Variants in KBTBD11 observed in about 807,000 individuals in gnomAD.
KBTBD11 encodes the protein kelch repeat and BTB domain-containing protein 11.
For missense variants in KBTBD11, 1,390 were observed against 1,001.8 expected, an observed-to-expected ratio of 1.39 and a Z score of -5.23; for synonymous variants, 747 against 499.0, an observed-to-expected ratio of 1.50 and a Z score of -6.63.
intron 1 of KBTBD11, among the ~76,000 whole-genome samples, chr8:1,986,522 C>G (rs1019898281): frequency 1.3e-5 from 2 of 152,130 alleles, no homozygotes; most frequent in African/African-American, 4.8e-5. Context: ...ACCAACAGCT[C>G]AGAACTTTAA....
In KBTBD11 at chr8:2,002,015, C is replaced by G; in HGVS notation, c.823C>G (p.Arg275Gly). 1 of 1,412,376 alleles carries G rather than the reference C, an allele frequency of 7.1e-7. No individual in the cohort carries two copies. The highest frequency in any genetic ancestry group is 9.3e-7 in the Non-Finnish European group (1 of 1,072,954). 87.5% of individuals were successfully genotyped at this position (1,412,376 alleles called of 1,614,324 possible). A position where few individuals can be genotyped will look rare whatever the true frequency, so the allele number is the denominator to read the frequency against. ...GCTGCGCGAGCCCGCCGTGTTCGGCCGCCTGTCGGGCGCAGAGCGGGACCT... is the reference window on the plus strand; with the variant it reads ...GCTGCGCGAGCCCGCCGTGTTCGGCGGCCTGTCGGGCGCAGAGCGGGACCT... ...EVLREPAVFG[R>G]LSGAERDLLL... The change falls in exon 2 of 2, where the codon CGC becomes GGC. Residue 275 changes from arginine to glycine, a missense_variant. Arg to Gly is a moderately radical substitution (Grantham distance 125). Transcript: ENST00000320248. This position sits in a 1 kb window ranked among gnomAD's most constrained non-coding sequence, Gnocchi z 4.1.
chr8:1,978,452 C>T (rs1165266136), intron 1 of KBTBD11, among the ~76,000 whole-genome samples: 3 of 152,170 alleles, frequency 2.0e-5, no homozygotes, highest in African/African-American at 7.2e-5. Context: ...CAGCAGGGGC[C>T]CCTCGGGGAC....
chr8:1,975,595 G>C (rs1563359106), intron 1 of KBTBD11, among the ~76,000 whole-genome samples: 1 of 152,230 alleles, frequency 6.6e-6, no homozygotes, highest in Non-Finnish European at 1.5e-5. Context: ...TGTTTGCACA[G>C]TGATGAAGTT....
Position 2,002,816 on chromosome 8 carries a change from C to G in KBTBD11, c.1624C>G (p.Arg542Gly), listed in dbSNP as rs775199295. The change falls in exon 2 of 2, where the codon CGC (arginine) becomes GGC (glycine). Residue 542 changes from arginine to glycine, a missense_variant. By Grantham distance (125) the Arg-to-Gly change is moderately radical. Transcript: ENST00000320248. The surrounding 1 kb of genome is among the most constrained non-coding windows in gnomAD (Gnocchi z 4.1). ...KQWSPCVAPL[R>G]LPGGPTGLQP... The stretch of plus-strand genomic sequence containing the variant: ...GTGGAGCCCGTGCGTCGCGCCCCTG[C>G]GCCTCCCCGGCGGCCCCACGGGCCT... 3 of 1,434,660 alleles carry G rather than the reference C, an allele frequency of 2.1e-6. No homozygotes were observed. The highest frequency in any genetic ancestry group is 3.0e-5 in the African/African-American group (2 of 66,684). 88.9% of individuals were successfully genotyped at this position (1,434,660 alleles called of 1,614,324 possible). A position where few individuals can be genotyped will look rare whatever the true frequency, so the allele number is the denominator to read the frequency against.
In KBTBD11 at chr8:2,006,062, C is replaced by A. The variant is rs1249835323; in HGVS notation, c.*2998C>A. The A allele has an allele frequency of 6.0e-6, 1 of 167,086 alleles. No individual in the cohort carries two copies. Among genetic ancestry groups the A allele is most frequent in the Non-Finnish European group, 1.5e-5 (1 of 68,130 alleles). 10.4% of individuals were successfully genotyped at this position (167,086 alleles called of 1,614,324 possible). On this transcript the variant is annotated 3_prime_UTR_variant, in exon 2 of 2. Transcript: ENST00000320248. ...TTTGGTTTCTGAGTCTGTGGAGGCA[C>A]CGACTTCTGCTGTAAGAAAATGAAT...
rs1817498236 is a variant in KBTBD11, at chr8:2,004,054, T to G, written c.*990T>G. 1 of 166,908 alleles carries G rather than the reference T, an allele frequency of 6.0e-6. No homozygotes were observed. The highest frequency in any genetic ancestry group is 2.1e-4 in the South Asian group (1 of 4,830). The allele number at this position is 166,908 out of a possible 1,614,324, so 10.3% of individuals were successfully genotyped here. ...AACCCACTGTATATGATGTTTTCAA[T>G]GTGGATCGTGTAGTTCTGATGAGGG... On this transcript the variant is annotated 3_prime_UTR_variant, in exon 2 of 2. Transcript: ENST00000320248.
chr8:1,974,948 TC>T (rs1816279886), intron 1 of KBTBD11: 1 of 154,714 alleles, frequency 6.5e-6, no homozygotes. Context: ...AGTGAGAAGT[TC>T]GCCCGATTCC....
At position 1,991,948 on chromosome 8, in the gene KBTBD11, G is replaced by A. The variant is rs189032041; in HGVS notation, c.-908-8337G>A. The stretch of plus-strand genomic sequence containing the variant: ...GTGAAATGTGTGCTTATTTCATCGC[G>A]GTAGACACACAGGGAGGTAGGCGTC... On this transcript the variant is annotated intron_variant, in intron 1 of 1. Coordinates refer to ENST00000320248, the MANE Select transcript of KBTBD11 (RefSeq NM_014867.3). Among the ~76,000 whole-genome samples the A allele has an allele frequency of 1.9e-4, 29 of 152,200 alleles. 1 individual carries two copies. The highest frequency in any genetic ancestry group is 6.3e-4 in the African/African-American group (26 of 41,464).
At chr8:1,985,242 G>A (rs1014438879) in intron 1 of KBTBD11, among the ~76,000 whole-genome samples, 3 of 152,248 alleles carry the variant, frequency 2.0e-5, no homozygotes, top group South Asian at 2.1e-4. Context: ...GTCCACTGGT[G>A]GAGCCCACAC....
intron 1 of KBTBD11, among the ~76,000 whole-genome samples, chr8:1,985,009 A>C (rs1366614065): frequency 1.3e-5 from 2 of 152,190 alleles, no homozygotes; most frequent in Non-Finnish European, 2.9e-5. Flanking sequence ...CAGTCTGATC[A>C]GGTATTGCAT....
intron 1 of KBTBD11, among the ~76,000 whole-genome samples, chr8:1,979,504 C>T (rs573860515): frequency 2.2e-4 from 33 of 152,270 alleles, no homozygotes; most frequent in Non-Finnish European, 4.1e-4. Flanking sequence ...GTGGCACGCA[C>T]TTGTGATCCC....
chr8:1,987,143 C>G (rs1271853297), intron 1 of KBTBD11, among the ~76,000 whole-genome samples: 1 of 151,842 alleles, frequency 6.6e-6, no homozygotes, highest in Non-Finnish European at 1.5e-5. Context: ...CAGAAGTGAT[C>G]AATACACAAG....
In KBTBD11 at chr8:2,001,642, G is replaced by A. The variant is rs982799332; in HGVS notation, c.450G>A (p.Arg150=). Reference sequence around the variant, plus strand: ...TGGTGCTGGAGGTGTCGGGGCGCCGGCTGCGCGCGCACAAGGCGGTGCTGG... The same window carrying A: ...TGGTGCTGGAGGTGTCGGGGCGCCGACTGCGCGCGCACAAGGCGGTGCTGG... ...PDLVLEVSGR[R]LRAHKAVLAA... is the part of the protein sequence containing the mutation. The change falls in exon 2 of 2, where the codon CGG becomes CGA. Residue 150 remains arginine (R), a synonymous_variant. Transcript: ENST00000320248. The A allele has an allele frequency of 8.1e-6, 12 of 1,478,630 alleles. No homozygotes were observed. Among genetic ancestry groups the A allele is most frequent in the African/African-American group, 2.9e-5 (2 of 68,386 alleles). The allele number at this position is 1,478,630 out of a possible 1,614,324, so 91.6% of individuals were successfully genotyped here.
intron 1 of KBTBD11, among the ~76,000 whole-genome samples, chr8:1,986,555 A>T (rs1488185072): frequency 6.6e-6 from 1 of 152,182 alleles, no homozygotes; most frequent in Non-Finnish European, 1.5e-5. Context: ...ACGAGTTTTT[A>T]TTTAGATTCC....
intron 1 of KBTBD11, 22 bp from the exon 2 acceptor site, chr8:2,000,261 CCT>C (rs1306833849): frequency 6.6e-6 from 1 of 152,212 alleles, no homozygotes; most frequent in Admixed American, 6.5e-5. Context: ...GCACAAATAT[CCT>C]CTCTTTTTGT....
intron 1 of KBTBD11, among the ~76,000 whole-genome samples, chr8:1,994,844 A>C (rs1817072639): frequency 1.3e-5 from 2 of 152,132 alleles, no homozygotes; most frequent in African/African-American, 2.4e-5. Context: ...GGATCACTTG[A>C]GGTCAGGAAT....
Position 2,003,468 on chromosome 8 carries a change from C to G in KBTBD11, c.*404C>G, listed in dbSNP as rs1226680807. 5.3e-6 allele frequency: 1 copy of G among 188,486 alleles called. No homozygotes were observed. Among genetic ancestry groups the G allele is most frequent in the African/African-American group, 2.4e-5 (1 of 42,264 alleles). 11.7% of individuals were successfully genotyped at this position (188,486 alleles called of 1,614,324 possible). ...CCTCAAGTAGGTCGCCGCGAACTATCGGGGGAAGCACGCAGAGAGGGTCAC... is the reference window on the plus strand; with the variant it reads ...CCTCAAGTAGGTCGCCGCGAACTATGGGGGGAAGCACGCAGAGAGGGTCAC... On this transcript the variant is annotated 3_prime_UTR_variant, in exon 2 of 2. Coordinates refer to ENST00000320248, the MANE Select transcript of KBTBD11 (RefSeq NM_014867.3).
intron 1 of KBTBD11, among the ~76,000 whole-genome samples, chr8:1,989,904 G>A (rs1200713897): frequency 7.3e-6 from 1 of 136,228 alleles, no homozygotes; most frequent in Non-Finnish European, 1.5e-5. Flanking sequence ...CTAGGGAACA[G>A]ATAACGATGT....
chr8:1,975,085 T>C (rs1390001847), intron 1 of KBTBD11: 1 of 152,260 alleles, frequency 6.6e-6, no homozygotes, highest in African/African-American at 2.4e-5. Flanking sequence ...ATTATTAGAA[T>C]AATCCTCCCC....
Sources: gnomAD v4.1 joint callset for allele counts (sites outside exome capture counted in the v4.1 genomes callset) on GRCh38, gnomAD v4.1.1 for gene constraint, Gnocchi (gnomAD v3.1) non-coding constraint, MANE v1.5 for transcripts, NCBI Gene and HGNC (gene_info 2026-07-23, HGNC 2026-07-21) for gene names.